The following XPO6 variants were observed in gnomAD, a reference collection of about 807,000 sequenced individuals.
XPO6 encodes the protein exportin 6, also known as exportin-6.
In XPO6, 3 loss-of-function variants were observed where a neutral mutation model predicts 130.0. The ratio of observed to expected loss-of-function variants is 0.02; its 90% CI spans 0.01 to 0.06. XPO6 has a LOEUF of 0.06. XPO6 is among the 10% of genes least tolerant of loss of function. The pLI is 1.00. For missense variants in XPO6, 970 were observed against 1,393.0 expected (o/e 0.70, Z 4.83); for synonymous variants, 524 against 548.9 (o/e 0.95, Z 0.63).
intron 5 of XPO6, among the ~76,000 whole-genome samples, chr16:28,169,104 G>T (rs1232792744): frequency 6.6e-6 from 1 of 152,176 alleles, no homozygotes; most frequent in Non-Finnish European, 1.5e-5. Flanking sequence ...GGCACCCTCA[G>T]GGCCTCACGG....
intron 1 of XPO6, among the ~76,000 whole-genome samples, chr16:28,210,755 A>G (rs139664967): frequency 4.3e-4 from 65 of 152,350 alleles, no homozygotes; most frequent in Non-Finnish European, 6.9e-4. Context: ...CAGTGTCAAA[A>G]GATCACGACC....
chr16:28,205,572 T>C lies in XPO6; in HGVS notation c.3+5794A>G, dbSNP rs117793421. 8.5e-4 allele frequency among the ~76,000 whole-genome samples: 129 copies of C among 152,274 alleles called. No homozygotes were observed. The East Asian group carries it at 0.016, about 19-fold the overall frequency. On this transcript the variant is annotated intron_variant, in intron 1 of 23. Transcript: ENST00000304658. ...ATCACCTGTATCACAGTCTCTTGTA[T>C]TTTCAGAGTATGTTGACTTATCTTC... is the stretch of plus-strand genomic sequence containing the variant.
chr16:28,168,291 C>T (rs1003189925), intron 5 of XPO6, among the ~76,000 whole-genome samples: 3 of 151,924 alleles, frequency 2.0e-5, no homozygotes, highest in Admixed American at 6.6e-5. Context: ...TAGAGACTAG[C>T]CTGGGCAATA....
intron 1 of XPO6, among the ~76,000 whole-genome samples, chr16:28,208,507 T>C (rs551894116): frequency 6.6e-6 from 1 of 152,194 alleles, no homozygotes; most frequent in Non-Finnish European, 1.5e-5. Context: ...ACTGTGTCAG[T>C]GACACAAAAA....
intron 1 of XPO6, among the ~76,000 whole-genome samples, chr16:28,199,629 C>T (rs1451713538): frequency 6.6e-6 from 1 of 150,630 alleles, no homozygotes; most frequent in Non-Finnish European, 1.5e-5. Flanking sequence ...TGCAATGGTG[C>T]AATCTCAGCC....
chr16:28,185,652 A>G (rs968084916), intron 1 of XPO6, among the ~76,000 whole-genome samples: 2 of 152,180 alleles, frequency 1.3e-5, no homozygotes, highest in African/African-American at 4.8e-5. Context: ...GGCTCTGGGG[A>G]CTGGCAATAA....
chr16:28,117,686 A>T lies in XPO6; in HGVS notation c.1860-224T>A, dbSNP rs1280092991. Among the ~76,000 whole-genome samples the T allele has an allele frequency of 2.6e-5, 4 of 152,244 alleles. No individual in the cohort carries two copies. In the East Asian group the frequency reaches 7.7e-4, roughly 29 times the overall value. On this transcript the variant is annotated intron_variant, in intron 14 of 23. Transcript: ENST00000304658. ...CTAGAGCACAGAAGGCAGTTAGTCA[A>T]TGTCTACTGAATCTTATTCAATCTT...
chr16:28,160,210 A>T (rs967675800), intron 6 of XPO6, among the ~76,000 whole-genome samples: 2 of 100,938 alleles, frequency 2.0e-5, no homozygotes, highest in African/African-American at 7.2e-5. Flanking sequence ...AAAAAAAAAA[A>T]ATCAAGTAAA....
chr16:28,098,351 T>C lies in XPO6; in HGVS notation c.*187A>G, dbSNP rs2086578255. The stretch of plus-strand genomic sequence containing the variant: ...CTGGGAGCACCGTCCAGTGCTCAGG[T>C]GGACCCAGAAGCCAGCTCTGCTGGG... On this transcript the variant is annotated 3_prime_UTR_variant, in exon 24 of 24. Coordinates refer to ENST00000304658, the MANE Select transcript of XPO6 (RefSeq NM_015171.4). 1.8e-6 allele frequency: 1 copy of C among 564,620 alleles called. No homozygotes were observed. The allele number at this position is 564,620 out of a possible 1,614,324, so 35.0% of individuals were successfully genotyped here. A position where few individuals can be genotyped will look rare whatever the true frequency, so the allele number is the denominator to read the frequency against.
chr16:28,165,371 G>C (rs2043340324), intron 6 of XPO6: 1 of 152,096 alleles, frequency 6.6e-6, no homozygotes, highest in Non-Finnish European at 1.5e-5. Context: ...TAAATCTGCT[G>C]AGCCACCTCA....
chr16:28,209,967 T>A (rs2141923748), intron 1 of XPO6, among the ~76,000 whole-genome samples: 1 of 151,672 alleles, frequency 6.6e-6, no homozygotes, highest in Admixed American at 6.6e-5. Flanking sequence ...TGAGACCTCA[T>A]CTCCACAAAA....
chr16:28,199,282 A>AT (rs1322979655), intron 1 of XPO6, among the ~76,000 whole-genome samples: 3 of 152,162 alleles, frequency 2.0e-5, no homozygotes, highest in Admixed American at 6.5e-5. Context: ...AGATCACTCA[A>AT]TTTATCTTTC....
intron 1 of XPO6, among the ~76,000 whole-genome samples, chr16:28,188,252 AT>A (rs1321359741): frequency 1.5e-4 from 23 of 152,178 alleles, no homozygotes; most frequent in Non-Finnish European, 2.9e-5. Flanking sequence ...AAAAATGACT[AT>A]TTTTTAAAGA....
intron 2 of XPO6, among the ~76,000 whole-genome samples, 156 bp from the exon 3 acceptor site, chr16:28,177,488 CA>C: frequency 6.6e-6 from 1 of 152,252 alleles, no homozygotes; most frequent in Non-Finnish European, 1.5e-5. Context: ...ATAAATCATA[CA>C]ATATTTTTCT....
At chr16:28,134,068 G>A (rs2141288323) in intron 10 of XPO6, 135 bp from the exon 11 acceptor site, 2 of 772,478 alleles carry the variant, frequency 2.6e-6, no homozygotes, top group African/African-American at 1.8e-5. Context: ...ACTATAAAAA[G>A]GCCAAGCTAG....
intron 9 of XPO6, among the ~76,000 whole-genome samples, chr16:28,143,596 A>C (rs2042933146): frequency 6.6e-6 from 1 of 152,310 alleles, no homozygotes; most frequent in Non-Finnish European, 1.5e-5. Flanking sequence ...CTGCTAGTAT[A>C]TATTTTCTCA....
At chr16:28,114,414 A>G (rs1398695209) in intron 15 of XPO6, among the ~76,000 whole-genome samples, 3 of 152,218 alleles carry the variant, frequency 2.0e-5, no homozygotes, top group Non-Finnish European at 2.9e-5. Context: ...GACCACCACA[A>G]TAAAGCAAAT....
chr16:28,126,293 C>T (rs2087407874), intron 12 of XPO6, among the ~76,000 whole-genome samples: 1 of 152,160 alleles, frequency 6.6e-6, no homozygotes. Context: ...TAGGATAGGG[C>T]CCTATCTCAG....
intron 5 of XPO6, chr16:28,167,178 T>C: frequency 5.1e-6 from 5 of 985,432 alleles, no homozygotes; most frequent in Non-Finnish European, 6.0e-6. Context: ...CTTGACTATA[T>C]ACACCAAGCT....
Sources: allele counts gnomAD v4.1 joint callset (sites outside exome capture counted in the v4.1 genomes callset), GRCh38; gene constraint gnomAD v4.1.1; transcripts MANE v1.5; gene names NCBI Gene and HGNC (gene_info 2026-07-23, HGNC 2026-07-21).